Variants in CLSTN2 observed in about 807,000 individuals in gnomAD.
CLSTN2 encodes calsyntenin 2.
A neutral mutation model predicts 101.2 loss-of-function variants in CLSTN2; 48 were observed. That is an observed-to-expected ratio of 0.47 (90% CI 0.38 to 0.60). The LOEUF is 0.60. CLSTN2 is among the 20% of genes least tolerant of loss of function. The pLI is 0.00. For missense variants in CLSTN2, 1,160 were observed against 1,238.2 expected (o/e 0.94, Z 0.95); for synonymous variants, 481 against 463.6 (o/e 1.04, Z -0.48).
chr3:140,400,914 C>G (rs2088234171), intron 2 of CLSTN2, among the ~76,000 whole-genome samples: 1 of 152,222 alleles, frequency 6.6e-6, no homozygotes, highest in Non-Finnish European at 1.5e-5. Flanking sequence ...GGGAGGCCCT[C>G]CCTGCCTTGC....
At chr3:140,502,692 G>T (rs555519743) in intron 8 of CLSTN2, among the ~76,000 whole-genome samples, 1 of 152,264 alleles carries the variant, frequency 6.6e-6, no homozygotes, top group East Asian at 1.9e-4. Flanking sequence ...GCCTTGGAAA[G>T]CTGATTGGTC....
At chr3:140,359,949 T>C (rs940683062) in intron 2 of CLSTN2, among the ~76,000 whole-genome samples, 1 of 151,610 alleles carries the variant, frequency 6.6e-6, no homozygotes, top group African/African-American at 2.4e-5. Flanking sequence ...ACTTTATATA[T>C]GTATTTATAT....
intron 2 of CLSTN2, among the ~76,000 whole-genome samples, chr3:140,340,395 G>GT (rs1303307789): frequency 1.3e-5 from 2 of 152,134 alleles, no homozygotes; most frequent in Admixed American, 6.5e-5. Flanking sequence ...CTTTATCTGG[G>GT]TTAAAAAATA....
chr3:140,218,500 AG>A (rs2010949027), intron 2 of CLSTN2, among the ~76,000 whole-genome samples: 1 of 152,184 alleles, frequency 6.6e-6, no homozygotes, highest in South Asian at 2.1e-4. Context: ...AGCAGCACCC[AG>A]TCAATCATGG....
In CLSTN2 at chr3:140,490,101, TATATATATATATATATACACAC is replaced by T. The variant is rs1934320005; in HGVS notation, c.1344+23372_1344+23393del. ...GTGTGTGTGTGTGTATATATATATA[TATATATATATATATATACACAC>T]ACACACACACACACACACACACACA... On this transcript the variant is annotated intron_variant, in intron 8 of 16. Transcript: ENST00000458420. Among the ~76,000 whole-genome samples, 10 of 8,582 alleles carry T rather than the reference TATATATATATATATATACACAC, an allele frequency of 1.2e-3. 4 individuals carry two copies. The highest frequency in any genetic ancestry group is 0.11 in the Middle Eastern group (2 of 18). 5.6% of individuals were successfully genotyped at this position (8,582 alleles called of 152,430 possible).
intron 1 of CLSTN2, among the ~76,000 whole-genome samples, chr3:140,024,442 T>C (rs781326772): frequency 2.0e-5 from 3 of 152,204 alleles, no homozygotes; most frequent in Non-Finnish European, 4.4e-5. Flanking sequence ...TTTTTGTTTT[T>C]GTTTTTGTTT....
chr3:140,020,330 GGAGA>G (rs2007282236), intron 1 of CLSTN2, among the ~76,000 whole-genome samples: 1 of 152,290 alleles, frequency 6.6e-6, no homozygotes, highest in East Asian at 1.9e-4. Flanking sequence ...CAAGAGGGAT[GGAGA>G]GAGAGTGTTT....
At chr3:140,055,765 G>C (rs1174501614) in intron 1 of CLSTN2, among the ~76,000 whole-genome samples, 1 of 152,168 alleles carries the variant, frequency 6.6e-6, no homozygotes. Flanking sequence ...CAGGTAGGAG[G>C]AAACATCTCA....
chr3:140,233,377 C>T (rs1204527040), intron 2 of CLSTN2, among the ~76,000 whole-genome samples: 1 of 152,176 alleles, frequency 6.6e-6, no homozygotes, highest in South Asian at 2.1e-4. Flanking sequence ...GTGTTCTCCT[C>T]CAAGCTCATG....
intron 2 of CLSTN2, among the ~76,000 whole-genome samples, chr3:140,186,819 T>A (rs1255756142): frequency 6.6e-6 from 1 of 152,042 alleles, no homozygotes; most frequent in African/African-American, 2.4e-5. Context: ...TGAAATACAA[T>A]TTGTGTATTT....
At chr3:140,216,487 G>A (rs941037425) in intron 2 of CLSTN2, among the ~76,000 whole-genome samples, 1 of 152,126 alleles carries the variant, frequency 6.6e-6, no homozygotes, top group African/African-American at 2.4e-5. Flanking sequence ...GGAGCAATGA[G>A]TGCTCTGCTT....
At chr3:140,427,243 A>G (rs1348113698) in intron 5 of CLSTN2, among the ~76,000 whole-genome samples, 19 of 141,258 alleles carry the variant, frequency 1.3e-4, no homozygotes, top group African/African-American at 4.7e-4. Context: ...ATATATATAT[A>G]TACATATATA....
chr3:140,446,270 A>G (rs144958661), intron 5 of CLSTN2, among the ~76,000 whole-genome samples: 1,737 of 152,250 alleles, frequency 0.011, 16 homozygotes, highest in Non-Finnish European at 0.015. Context: ...ATCCAGATAC[A>G]GCTCCTAAAG....
At chr3:140,161,895 C>G (rs887912960) in intron 1 of CLSTN2, among the ~76,000 whole-genome samples, 2 of 152,082 alleles carry the variant, frequency 1.3e-5, no homozygotes, top group Non-Finnish European at 2.9e-5. Context: ...ATTGCATTAG[C>G]AATTTAAACT....
At chr3:140,164,340 G>T (rs923886689) in intron 1 of CLSTN2, among the ~76,000 whole-genome samples, 2 of 152,100 alleles carry the variant, frequency 1.3e-5, no homozygotes, top group Non-Finnish European at 2.9e-5. Context: ...TGGGTCCTGT[G>T]TGGGTCCTGA....
intron 2 of CLSTN2, among the ~76,000 whole-genome samples, chr3:140,197,861 C>T (rs2010666095): frequency 1.3e-5 from 2 of 152,142 alleles, no homozygotes; most frequent in South Asian, 2.1e-4. Context: ...CAGAATGTAT[C>T]CCTGGAAAAA....
chr3:139,964,838 G>C (rs1168871287), intron 1 of CLSTN2, among the ~76,000 whole-genome samples: 1 of 152,216 alleles, frequency 6.6e-6, no homozygotes, highest in Non-Finnish European at 1.5e-5. Context: ...ATTTCCAGGA[G>C]GTTTGATTTT....
At chr3:140,077,109 A>G (rs1006464078) in intron 1 of CLSTN2, among the ~76,000 whole-genome samples, 1 of 152,242 alleles carries the variant, frequency 6.6e-6, no homozygotes, top group African/African-American at 2.4e-5. Context: ...AATGGAAAGC[A>G]TGTAGAAGTT....
intron 16 of CLSTN2, among the ~76,000 whole-genome samples, chr3:140,564,926 G>C (rs7631249): frequency 0.37 from 55,942 of 152,078 alleles, 12,760 homozygotes; most frequent in Middle Eastern, 0.52. Flanking sequence ...AAAAGGTAGG[G>C]GAAGATGATT....
Sources: allele counts gnomAD v4.1 joint callset (sites outside exome capture counted in the v4.1 genomes callset), GRCh38; gene constraint gnomAD v4.1.1; transcripts MANE v1.5; gene names NCBI Gene and HGNC (gene_info 2026-07-23, HGNC 2026-07-21).